HSPG2: variants seen among roughly 807,000 people sequenced by gnomAD.
The protein encoded by HSPG2 is heparan sulfate proteoglycan 2.
A neutral mutation model predicts 526.6 loss-of-function variants in HSPG2; 278 were observed. That is an observed-to-expected ratio of 0.53 (90% CI 0.48 to 0.58). The LOEUF is 0.58. HSPG2 is among the 20% of genes least tolerant of loss of function. The pLI is 0.00. For synonymous variants in HSPG2, 2,465 were observed against 2,555.4 expected, an observed-to-expected ratio of 0.96 and a Z score of 1.07; for missense variants, 5,354 against 6,099.5, an observed-to-expected ratio of 0.88 and a Z score of 4.07.
intron 13 of HSPG2, among the ~76,000 whole-genome samples, chr1:21,883,191 T>G (rs1351198109): frequency 6.6e-6 from 1 of 152,230 alleles, no homozygotes; most frequent in East Asian, 1.9e-4. Context: ...AGCCCTGACC[T>G]TGCAAGGGTT....
At position 21,887,837 on chromosome 1, in the gene HSPG2, C is replaced by T. The variant is rs1557789013; in HGVS notation, c.703+101G>A. On this transcript the variant is annotated intron_variant, in intron 7 of 96. Transcript: ENST00000374695. This position sits in a 1 kb window ranked among gnomAD's most constrained non-coding sequence, Gnocchi z 5.0. Reference sequence around the variant, plus strand: ...TTCCTATGCCCCCATCCTCTGCCTGCACCAAACCCTCATAGTCCTTGATGG... The same window carrying T: ...TTCCTATGCCCCCATCCTCTGCCTGTACCAAACCCTCATAGTCCTTGATGG... The T allele has an allele frequency of 3.8e-6, 6 of 1,592,502 alleles. No individual in the cohort carries two copies. In the East Asian group the frequency reaches 6.7e-5, roughly 18 times the overall value.
intron 33 of HSPG2, among the ~76,000 whole-genome samples, chr1:21,869,837 G>A (rs912878339): frequency 2.6e-5 from 4 of 152,228 alleles, no homozygotes; most frequent in East Asian, 1.9e-4. Flanking sequence ...TGTTCCTCCT[G>A]AGCTAGGCGG....
At position 21,828,476 on chromosome 1, in the gene HSPG2, C is replaced by A; in HGVS notation, c.12238-50G>T. The A allele has an allele frequency of 9.5e-6, 15 of 1,579,446 alleles. No individual in the cohort carries two copies. The highest frequency in any genetic ancestry group is 1.3e-5 in the Non-Finnish European group (15 of 1,155,316). On this transcript the variant is annotated intron_variant, in intron 88 of 96. Coordinates refer to ENST00000374695, the MANE Select transcript of HSPG2 (RefSeq NM_005529.7). This position sits in a 1 kb window ranked among gnomAD's most constrained non-coding sequence, Gnocchi z 6.0. ...ACTAAAGGGGCCTGGGAGGCAGAGA[C>A]CCAGGTGTACCAGCAGGGAGAAGAA...
chr1:21,862,603 AAGC>A (rs1639881583), intron 37 of HSPG2, among the ~76,000 whole-genome samples: 1 of 150,930 alleles, frequency 6.6e-6, no homozygotes, highest in African/African-American at 2.4e-5. Flanking sequence ...AAAAAGAAAA[AAGC>A]AAAAAAAGCT....
intron 1 of HSPG2, among the ~76,000 whole-genome samples, chr1:21,918,263 G>A (rs1643936399): frequency 6.6e-6 from 1 of 152,024 alleles, no homozygotes; most frequent in Non-Finnish European, 1.5e-5. Context: ...TCAGGAGTTC[G>A]AGACCAGCCT....
Position 21,847,862 on chromosome 1 carries a change from C to T in HSPG2, c.7874-22G>A, listed in dbSNP as rs779671922. On this transcript the variant is annotated intron_variant, in intron 60 of 96. Transcript: ENST00000374695. This position sits in a 1 kb window ranked among gnomAD's most constrained non-coding sequence, Gnocchi z 4.1. ...GGCACTGGGGACAGACGGGTGTGGACCACGCAGCCAGAGTGAGATAACAGT... is the reference window on the plus strand; with the variant it reads ...GGCACTGGGGACAGACGGGTGTGGATCACGCAGCCAGAGTGAGATAACAGT... 6 of 1,613,858 alleles carry T rather than the reference C, an allele frequency of 3.7e-6. No individual in the cohort carries two copies. Among genetic ancestry groups the T allele is most frequent in the Non-Finnish European group, 5.1e-6 (6 of 1,180,014 alleles).
Position 21,890,339 on chromosome 1 carries a change from C to A in HSPG2, c.413+88G>T. ...GCGACTCATCCCATAGGCCTTTCCG[C>A]GGTGCCAGGCTTCCTTCCCATCCTC... On this transcript the variant is annotated intron_variant, in intron 5 of 96. Coordinates refer to ENST00000374695, the MANE Select transcript of HSPG2 (RefSeq NM_005529.7). This position sits in a 1 kb window ranked among gnomAD's most constrained non-coding sequence, Gnocchi z 4.1. 1 of 1,401,456 alleles carries A rather than the reference C, an allele frequency of 7.1e-7. No homozygotes were observed. 86.8% of individuals were successfully genotyped at this position (1,401,456 alleles called of 1,614,324 possible).
intron 74 of HSPG2, among the ~76,000 whole-genome samples, chr1:21,837,214 G>A (rs2098030035): frequency 6.6e-6 from 1 of 152,244 alleles, no homozygotes; most frequent in Non-Finnish European, 1.5e-5. Context: ...GGCCTGTGGA[G>A]CGCTGGGCTC....
chr1:21,873,218 G>T, intron 30 of HSPG2, 127 bp from the exon 31 acceptor site: 3 of 1,134,038 alleles, frequency 2.6e-6, no homozygotes, highest in Non-Finnish European at 2.7e-6. Flanking sequence ...TCTCACGACA[G>T]CCCTCGGAGG....
chr1:21,933,540 G>A (rs1280992417), intron 1 of HSPG2, among the ~76,000 whole-genome samples: 1 of 152,208 alleles, frequency 6.6e-6, no homozygotes, highest in African/African-American at 2.4e-5. Context: ...CCTGAACCCA[G>A]TCACCTCCTG....
At chr1:21,855,009 G>T in intron 47 of HSPG2, 26 bp from the exon 48 acceptor site, 1 of 1,609,438 alleles carries the variant, frequency 6.2e-7, no homozygotes. Flanking sequence ...TGGGTCAGCT[G>T]CCCCAGAGGC....
At chr1:21,933,764 C>T (rs529710179) in intron 1 of HSPG2, among the ~76,000 whole-genome samples, 2 of 152,346 alleles carry the variant, frequency 1.3e-5, no homozygotes, top group African/African-American at 2.4e-5. Context: ...TCCTTCCCTC[C>T]GGGAATGTCC....
chr1:21,851,975 A>C (rs575095990), intron 53 of HSPG2, 49 bp from the exon 54 acceptor site: 4 of 1,608,056 alleles, frequency 2.5e-6, no homozygotes, highest in Non-Finnish European at 3.4e-6. Context: ...GGAGGCCAGC[A>C]AATGCCCCAC....
chr1:21,892,178 G>A (rs940167658), intron 3 of HSPG2, among the ~76,000 whole-genome samples: 7 of 152,250 alleles, frequency 4.6e-5, no homozygotes, highest in Non-Finnish European at 7.3e-5. Context: ...CCCTGGCGCT[G>A]CCTGCCCTGA....
chr1:21,904,993 C>T lies in HSPG2; in HGVS notation c.64-8683G>A, dbSNP rs980131950. Among the ~76,000 whole-genome samples the T allele has an allele frequency of 1.3e-5, 2 of 152,132 alleles. No homozygotes were observed. Among genetic ancestry groups the T allele is most frequent in the African/African-American group, 2.4e-5 (1 of 41,424 alleles). Reference sequence around the variant, plus strand: ...AGTGCCAGGACTATGGAAGGATGGGCGGAATGTTCCACAAAGTTATGTTGC... The same window carrying T: ...AGTGCCAGGACTATGGAAGGATGGGTGGAATGTTCCACAAAGTTATGTTGC... On this transcript the variant is annotated intron_variant, in intron 1 of 96. Transcript: ENST00000374695. The surrounding 1 kb of genome is among the most constrained non-coding windows in gnomAD (Gnocchi z 4.4).
chr1:21,825,579 G>A (rs1233339783), intron 91 of HSPG2, among the ~76,000 whole-genome samples: 4 of 152,118 alleles, frequency 2.6e-5, no homozygotes, highest in Admixed American at 6.5e-5. Flanking sequence ...CCCACAGGCC[G>A]GCACTGGCCA....
intron 40 of HSPG2, 61 bp from the exon 41 acceptor site, chr1:21,860,063 C>T (rs1362911446): frequency 1.1e-5 from 18 of 1,600,962 alleles, no homozygotes; most frequent in African/African-American, 9.4e-5. Flanking sequence ...TCTCTGCTCT[C>T]CCAAAAGCTG....
In HSPG2 at chr1:21,870,816, C is replaced by T. The variant is rs1019911593; in HGVS notation, c.4221+1370G>A. On this transcript the variant is annotated intron_variant, in intron 33 of 96. Coordinates refer to ENST00000374695, the MANE Select transcript of HSPG2 (RefSeq NM_005529.7). ...GCCCCACCACACCAACTTCACACCA[C>T]GCACGTCCTGGGCCTACCTGGTGAG... The T allele has an allele frequency of 1.4e-5, 14 of 986,172 alleles. No individual in the cohort carries two copies. In the African/African-American group the frequency reaches 1.9e-4, roughly 14 times the overall value. The allele number at this position is 986,172 out of a possible 1,614,324, so 61.1% of individuals were successfully genotyped here.
rs2098039294 is a variant in HSPG2 at position 21,839,307 on chromosome 1, G to T, written c.9889+64C>A. On this transcript the variant is annotated intron_variant, in intron 73 of 96. Transcript: ENST00000374695. This position sits in a 1 kb window ranked among gnomAD's most constrained non-coding sequence, Gnocchi z 4.5. ...TGGGGTTCCTGGGGTTCTGTGTGGG[G>T]TGGAGCCTAGTCGGGGGGCTCAGAT... 1.3e-6 allele frequency: 2 copies of T among 1,568,456 alleles called. No homozygotes were observed.
Sources: allele counts gnomAD v4.1 joint callset (sites outside exome capture counted in the v4.1 genomes callset), GRCh38; gene constraint gnomAD v4.1.1; non-coding constraint Gnocchi (gnomAD v3.1); transcripts MANE v1.5; gene names NCBI Gene and HGNC (gene_info 2026-07-23, HGNC 2026-07-21).